PDE4B: variants seen among roughly 807,000 people sequenced by gnomAD.
The protein encoded by PDE4B is phosphodiesterase 4B, also known as 3',5'-cyclic-AMP phosphodiesterase 4B.
Under a neutral mutation model 82.2 loss-of-function variants are expected in PDE4B, and 20 were observed. The observed-to-expected ratio is 0.24, with a 90% CI of 0.17 to 0.35. The LOEUF (loss-of-function observed/expected upper bound fraction) is 0.35. Among genes scored for constraint, PDE4B ranks in the 10% least tolerant of loss-of-function variants. The pLI is 1.00. For missense variants in PDE4B, 655 were observed against 907.2 expected (o/e 0.72, Z 3.57); for synonymous variants, 320 against 318.9 (o/e 1.00, Z -0.04).
chr1:65,938,345 A>G (rs1648265731), intron 3 of PDE4B, among the ~76,000 whole-genome samples: 1 of 152,196 alleles, frequency 6.6e-6, no homozygotes, highest in Non-Finnish European at 1.5e-5. Context: ...ACCTTGGGGA[A>G]TATGTGAGTA....
chr1:66,341,653 T>C (rs1483882070), intron 8 of PDE4B, among the ~76,000 whole-genome samples: 1 of 152,230 alleles, frequency 6.6e-6, no homozygotes, highest in Non-Finnish European at 1.5e-5. Flanking sequence ...TACCCTGTGG[T>C]TAGTGTAACT....
chr1:66,312,978 A>C (rs534093959), intron 7 of PDE4B, among the ~76,000 whole-genome samples: 1 of 152,014 alleles, frequency 6.6e-6, no homozygotes, highest in Non-Finnish European at 1.5e-5. Context: ...AACCTTGTGG[A>C]TATCTGCTTC....
intron 3 of PDE4B, among the ~76,000 whole-genome samples, chr1:66,145,344 T>C (rs1362356091): frequency 2.0e-5 from 3 of 152,092 alleles, no homozygotes; most frequent in Non-Finnish European, 1.5e-5. Context: ...CCAAGCAGAT[T>C]TGATAGTATT....
In PDE4B at chr1:66,222,400, G is replaced by C. The variant is rs374107835; in HGVS notation, c.282-25060G>C. On this transcript the variant is annotated intron_variant, in intron 3 of 16. Transcript: ENST00000341517. ...TGGTATTGTTGTGAGGATTAAATGA[G>C]GTAATGTGTGTGCATTTTCTAACAA... 7.2e-5 allele frequency among the ~76,000 whole-genome samples: 11 copies of C among 152,286 alleles called. No homozygotes were observed. The East Asian group carries it at 1.9e-3, about 27-fold the overall frequency.
chr1:66,212,524 A>T (rs1235749159), intron 3 of PDE4B, among the ~76,000 whole-genome samples: 1 of 151,968 alleles, frequency 6.6e-6, no homozygotes, highest in Admixed American at 6.6e-5. Context: ...CTCCTGATCT[A>T]CACTACTCGT....
chr1:65,843,756 A>T (rs1467097647), intron 1 of PDE4B, among the ~76,000 whole-genome samples: 1 of 152,154 alleles, frequency 6.6e-6, no homozygotes, highest in African/African-American at 2.4e-5. Flanking sequence ...TCTTCCAAAA[A>T]TTTTAAGGAT....
chr1:66,251,818 C>A (rs1453225584), intron 4 of PDE4B, among the ~76,000 whole-genome samples: 1 of 152,130 alleles, frequency 6.6e-6, no homozygotes, highest in Non-Finnish European at 1.5e-5. Context: ...TGGTGAAAAA[C>A]AAGACTGGAA....
intron 7 of PDE4B, among the ~76,000 whole-genome samples, chr1:66,310,075 C>A (rs773064362): frequency 2.9e-4 from 44 of 152,156 alleles, no homozygotes; most frequent in Non-Finnish European, 5.3e-4. Flanking sequence ...TCAAGGGAGC[C>A]TCATGTGGGA....
At chr1:65,976,464 G>A (rs1439364152) in intron 3 of PDE4B, among the ~76,000 whole-genome samples, 22 of 152,210 alleles carry the variant, frequency 1.4e-4, no homozygotes, top group Admixed American at 1.4e-3. Flanking sequence ...TTGAGTTAAT[G>A]CTGGAATGAG....
intron 3 of PDE4B, among the ~76,000 whole-genome samples, chr1:65,951,390 A>G (rs1648988076): frequency 1.3e-5 from 2 of 152,132 alleles, no homozygotes; most frequent in African/African-American, 4.8e-5. Flanking sequence ...AGAAGTGGCC[A>G]AGAATAAGAT....
At chr1:66,016,868 T>C (rs1652808397) in intron 3 of PDE4B, among the ~76,000 whole-genome samples, 1 of 152,222 alleles carries the variant, frequency 6.6e-6, no homozygotes, top group Non-Finnish European at 1.5e-5. Context: ...CAGCTTGCTT[T>C]CAACGCCAAG....
intron 3 of PDE4B, among the ~76,000 whole-genome samples, chr1:66,213,945 G>A (rs1650257931): frequency 6.6e-6 from 1 of 152,094 alleles, no homozygotes; most frequent in South Asian, 2.1e-4. Flanking sequence ...TAATTAGCAT[G>A]ACCAAACGCT....
intron 1 of PDE4B, among the ~76,000 whole-genome samples, chr1:65,818,345 A>T (rs1277904792): frequency 6.6e-6 from 1 of 152,088 alleles, no homozygotes; most frequent in African/African-American, 2.4e-5. Context: ...TAATTTTCCT[A>T]GAGAGCTGTG....
chr1:66,274,960 T>G (rs1197687464), intron 7 of PDE4B, among the ~76,000 whole-genome samples: 1 of 152,112 alleles, frequency 6.6e-6, no homozygotes, highest in Non-Finnish European at 1.5e-5. Flanking sequence ...TTTTTTTTCC[T>G]CCTGAGACTA....
chr1:66,048,731 A>G (rs1490723856), intron 3 of PDE4B: 4 of 151,900 alleles, frequency 2.6e-5, no homozygotes, highest in Non-Finnish European at 4.4e-5. Context: ...ATTACTCTTC[A>G]TTCTCGGATG....
intron 3 of PDE4B, among the ~76,000 whole-genome samples, chr1:65,959,186 A>G (rs1203223433): frequency 6.6e-6 from 1 of 152,180 alleles, no homozygotes; most frequent in Non-Finnish European, 1.5e-5. Context: ...CATGACATTC[A>G]TTGAAATTTA....
intron 3 of PDE4B, among the ~76,000 whole-genome samples, chr1:65,976,282 C>T (rs61799435): frequency 0.17 from 25,630 of 152,222 alleles, 2,819 homozygotes; most frequent in Non-Finnish European, 0.24. Flanking sequence ...CAGACTGGCA[C>T]GGTGCCTGTA....
intron 3 of PDE4B, among the ~76,000 whole-genome samples, chr1:66,090,616 A>ATATATATATAT (rs200925983): frequency 3.3e-5 from 3 of 89,926 alleles, no homozygotes; most frequent in African/African-American, 1.4e-4. Flanking sequence ...ATATGTATAT[A>ATATATATATAT]ATATATGTGT....
chr1:66,180,899 A>G (rs996159649), intron 3 of PDE4B, among the ~76,000 whole-genome samples: 9 of 152,212 alleles, frequency 5.9e-5, no homozygotes, highest in South Asian at 2.1e-4. Context: ...ACAATAATAC[A>G]TATTTTAAAA....
Sources: gnomAD v4.1 joint callset for allele counts (sites outside exome capture counted in the v4.1 genomes callset) on GRCh38, gnomAD v4.1.1 for gene constraint, MANE v1.5 for transcripts, NCBI Gene and HGNC (gene_info 2026-07-23, HGNC 2026-07-21) for gene names.